CCDC102B: variants seen among roughly 807,000 people sequenced by gnomAD.
CCDC102B encodes coiled-coil domain-containing protein 102B.
Under a neutral mutation model 57.4 loss-of-function variants are expected in CCDC102B, and 75 were observed. The observed-to-expected ratio is 1.31, with a 90% confidence interval of 1.08 to 1.58. The LOEUF (loss-of-function observed/expected upper bound fraction) is 1.58, where lower values mean the gene tolerates loss of function less well. CCDC102B is among the 40% of genes most tolerant of loss of function. The pLI is 0.00. For missense variants in CCDC102B, 636 were observed against 582.6 expected, an observed-to-expected ratio of 1.09 and a Z score of -0.94; for synonymous variants, 206 against 201.9, an observed-to-expected ratio of 1.02 and a Z score of -0.17.
At chr18:68,920,817 A>T (rs1284471501) in intron 6 of CCDC102B, among the ~76,000 whole-genome samples, 4 of 152,054 alleles carry the variant, frequency 2.6e-5, no homozygotes, top group Non-Finnish European at 5.9e-5. Flanking sequence ...GGGGAAACTG[A>T]CCTCATGATT....
chr18:69,004,114 C>T (rs1268723000), intron 6 of CCDC102B, among the ~76,000 whole-genome samples: 1 of 152,154 alleles, frequency 6.6e-6, no homozygotes, highest in Admixed American at 6.5e-5. Context: ...TCATCTATTT[C>T]CCATCCATGG....
intron 6 of CCDC102B, among the ~76,000 whole-genome samples, chr18:68,957,353 C>T (rs2049927603): frequency 6.6e-6 from 1 of 152,000 alleles, no homozygotes; most frequent in African/African-American, 2.4e-5. Context: ...TTCCCAGCAT[C>T]ATTTCTTAAA....
In CCDC102B at chr18:69,054,252, G is replaced by A. The variant is rs1300728597; in HGVS notation, c.*115G>A. The stretch of plus-strand genomic sequence containing the variant: ...AACTAGAAATATTAATGAAAAAAAC[G>A]TAGACAATACACAAATTAATGGGCT... On this transcript the variant is annotated 3_prime_UTR_variant, in exon 8 of 8. Coordinates refer to ENST00000360242, the MANE Select transcript of CCDC102B (RefSeq NM_024781.3). 1.5e-5 allele frequency: 21 copies of A among 1,366,002 alleles called. No individual in the cohort carries two copies. In the East Asian group the frequency reaches 1.7e-4, roughly 11 times the overall value. The allele number at this position is 1,366,002 out of a possible 1,614,324, so 84.6% of individuals were successfully genotyped here.
chr18:68,998,101 G>A (rs2051079921), intron 6 of CCDC102B, among the ~76,000 whole-genome samples: 1 of 151,672 alleles, frequency 6.6e-6, no homozygotes, highest in African/African-American at 2.4e-5. Flanking sequence ...TTTCCATCTT[G>A]GTGATTACTC....
intron 1 of CCDC102B, among the ~76,000 whole-genome samples, chr18:68,816,808 C>A (rs2036503159): frequency 6.6e-6 from 1 of 152,182 alleles, no homozygotes; most frequent in South Asian, 2.1e-4. Flanking sequence ...CAGAAAATTT[C>A]TCTTAAAGAG....
intron 6 of CCDC102B, among the ~76,000 whole-genome samples, chr18:68,925,326 G>T (rs909588422): frequency 2.0e-5 from 3 of 151,932 alleles, no homozygotes; most frequent in Admixed American, 6.6e-5. Flanking sequence ...TGCTGTGATG[G>T]TATCAGCACC....
At chr18:68,717,424 A>G (rs78982389) in intron 2 of CCDC102B, among the ~76,000 whole-genome samples, 15,771 of 152,238 alleles carry the variant, frequency 0.1, 839 homozygotes, top group African/African-American at 0.11. Context: ...TATTGAGTTA[A>G]TTAAATTATT....
At chr18:68,801,880 A>G (rs1184197031) in intron 1 of CCDC102B, among the ~76,000 whole-genome samples, 6 of 152,254 alleles carry the variant, frequency 3.9e-5, no homozygotes, top group African/African-American at 1.4e-4. Context: ...GAAAGATTAC[A>G]TTTATGACCT....
chr18:68,886,265 C>G (rs1303169239), intron 5 of CCDC102B, among the ~76,000 whole-genome samples: 1 of 151,698 alleles, frequency 6.6e-6, no homozygotes, highest in South Asian at 2.1e-4. Context: ...TGTAATAGGA[C>G]AAATAATACC....
At chr18:68,988,107 C>T (rs950969985) in intron 6 of CCDC102B, among the ~76,000 whole-genome samples, 1 of 151,906 alleles carries the variant, frequency 6.6e-6, no homozygotes, top group Non-Finnish European at 1.5e-5. Flanking sequence ...ATGTTCATTG[C>T]AGCACTATTC....
At chr18:68,871,745 G>GT (rs959309144) in intron 4 of CCDC102B, among the ~76,000 whole-genome samples, 3 of 152,166 alleles carry the variant, frequency 2.0e-5, no homozygotes, top group African/African-American at 7.2e-5. Context: ...GGGCTGAGGA[G>GT]TTATCGGATC....
At chr18:68,894,200 A>G (rs2040169439) in intron 5 of CCDC102B, among the ~76,000 whole-genome samples, 1 of 152,024 alleles carries the variant, frequency 6.6e-6, no homozygotes, top group Non-Finnish European at 1.5e-5. Context: ...TTGATACATA[A>G]ATAAGCTCAA....
intron 7 of CCDC102B, among the ~76,000 whole-genome samples, chr18:69,034,378 A>G (rs1035185372): frequency 6.6e-6 from 1 of 151,872 alleles, no homozygotes; most frequent in African/African-American, 2.4e-5. Context: ...CTTCTGAGTT[A>G]CCTTTGGGGA....
At chr18:68,797,756 G>GAT (rs2035681541), upstream of CCDC102B, among the ~76,000 whole-genome samples, 1 of 108,314 alleles carries the variant, frequency 9.2e-6, no homozygotes, top group East Asian at 2.6e-4. Flanking sequence ...TACTTCCTGG[G>GAT]CTTTTTTTTT....
At chr18:68,757,370 A>G (rs1366343959) in intron 2 of CCDC102B, among the ~76,000 whole-genome samples, 2 of 152,220 alleles carry the variant, frequency 1.3e-5, no homozygotes, top group South Asian at 4.1e-4. Flanking sequence ...TCCTTTTGGT[A>G]ATATTATTTC....
chr18:68,820,009 G>A lies in CCDC102B; in HGVS notation c.-15-16740G>A, dbSNP rs561329845. ...TGAATTTCTACTTACACAATCATAT[G>A]TACAAAATGAGAGTTTTATTTATTT... is the stretch of plus-strand genomic sequence containing the variant. On this transcript the variant is annotated intron_variant, in intron 1 of 7. Coordinates refer to ENST00000360242, the MANE Select transcript of CCDC102B (RefSeq NM_024781.3). Among the ~76,000 whole-genome samples the A allele has an allele frequency of 1.7e-4, 26 of 152,112 alleles. No homozygotes were observed. The South Asian group carries it at 5.4e-3, about 32-fold the overall frequency.
intron 4 of CCDC102B, chr18:68,866,751 G>T: frequency 1.6e-6 from 1 of 622,904 alleles, no homozygotes. Flanking sequence ...GTATTGCTTT[G>T]AGTGCACGGG....
At chr18:68,731,870 G>T (rs1357884596) in intron 2 of CCDC102B, among the ~76,000 whole-genome samples, 3 of 120,982 alleles carry the variant, frequency 2.5e-5, no homozygotes, top group Non-Finnish European at 3.7e-5. Flanking sequence ...AAAATTGTAC[G>T]AATTAGTGCA....
intron 7 of CCDC102B, among the ~76,000 whole-genome samples, chr18:69,031,767 C>A (rs1599874047): frequency 6.6e-6 from 1 of 151,870 alleles, no homozygotes; most frequent in South Asian, 2.1e-4. Context: ...TGTAGACAGC[C>A]GATGGTGTGG....
Sources: gnomAD v4.1 joint callset for allele counts (sites outside exome capture counted in the v4.1 genomes callset) on GRCh38, gnomAD v4.1.1 for gene constraint, MANE v1.5 for transcripts, NCBI Gene and HGNC (gene_info 2026-07-23, HGNC 2026-07-21) for gene names.